Variants in MARK3 observed in about 807,000 individuals in gnomAD.
The protein encoded by MARK3 is MAP/microtubule affinity-regulating kinase 3.
MARK3 carries 46 observed loss-of-function variants against 90.1 expected under a neutral mutation model. The ratio of observed to expected loss-of-function variants is 0.51; its 90% CI spans 0.40 to 0.65. The LOEUF is 0.65. Among genes scored for constraint, MARK3 ranks in the 30% least tolerant of loss-of-function variants. The probability of loss-of-function intolerance (pLI) is 0.00; values close to 1 mark genes in which losing one functional copy is unlikely to be tolerated. For missense variants in MARK3, 818 were observed against 947.2 expected, an observed-to-expected ratio of 0.86 and a Z score of 1.79; for synonymous variants, 321 against 332.6, an observed-to-expected ratio of 0.97 and a Z score of 0.38.
chr14:103,493,747 C>T (rs757623920), intron 15 of MARK3, among the ~76,000 whole-genome samples: 8 of 151,242 alleles, frequency 5.3e-5, no homozygotes, highest in Non-Finnish European at 1.2e-4. Context: ...TGGTGGTGGG[C>T]GCCTGGAGTC....
At chr14:103,443,186 A>G (rs2092906495) in intron 3 of MARK3, among the ~76,000 whole-genome samples, 1 of 152,244 alleles carries the variant, frequency 6.6e-6, no homozygotes, top group Non-Finnish European at 1.5e-5. Context: ...AAAAGAATCG[A>G]TACACATCAG....
intron 4 of MARK3, among the ~76,000 whole-genome samples, chr14:103,450,346 G>GC (rs1025873013): frequency 1.3e-5 from 2 of 151,654 alleles, no homozygotes; most frequent in South Asian, 2.1e-4. Flanking sequence ...CCGTCCTCCC[G>GC]CCCCCCACAA....
At chr14:103,502,173 G>T (rs376994429) in intron 17 of MARK3, among the ~76,000 whole-genome samples, 17 of 152,352 alleles carry the variant, frequency 1.1e-4, no homozygotes, top group African/African-American at 4.1e-4. Flanking sequence ...TCAGACCAAG[G>T]CTTACATTCT....
intron 4 of MARK3, among the ~76,000 whole-genome samples, chr14:103,450,921 CTTTTTTT>C (rs869030067): frequency 1.9e-4 from 10 of 52,638 alleles, no homozygotes; most frequent in South Asian, 9.8e-4. Flanking sequence ...TGTGTGTATT[CTTTTTTT>C]TTTTTTTTTT....
At chr14:103,484,212 C>G (rs575105469) in intron 14 of MARK3, among the ~76,000 whole-genome samples, 3 of 147,672 alleles carry the variant, frequency 2.0e-5, no homozygotes, top group Non-Finnish European at 4.5e-5. Context: ...GAGTCTCGCT[C>G]TTTTACCCAG....
chr14:103,502,346 A>C (rs377443472), intron 17 of MARK3, among the ~76,000 whole-genome samples: 1 of 152,244 alleles, frequency 6.6e-6, no homozygotes, highest in Non-Finnish European at 1.5e-5. Context: ...AGGAAAAACA[A>C]TGAGGTGGGT....
chr14:103,454,801 A>G (rs1211516488), intron 5 of MARK3, among the ~76,000 whole-genome samples: 2 of 152,198 alleles, frequency 1.3e-5, no homozygotes, highest in East Asian at 1.9e-4. Context: ...AGTTTGTTCT[A>G]TGCCAAGGGG....
intron 3 of MARK3, among the ~76,000 whole-genome samples, chr14:103,445,285 A>T (rs1483098109): frequency 6.6e-6 from 1 of 152,192 alleles, no homozygotes; most frequent in African/African-American, 2.4e-5. Context: ...TTAAGCTTAG[A>T]TAAGACTGTG....
chr14:103,474,482 T>TCTACACCTTCCCCTGTCTACCCAA (rs1555397870), intron 12 of MARK3, among the ~76,000 whole-genome samples: 2 of 151,454 alleles, frequency 1.3e-5, no homozygotes, highest in Admixed American at 1.3e-4. Flanking sequence ...TTCCTCTGCT[T>TCTACACCTTCCCCTGTCTACCCAA]CTACACCTTC....
intron 14 of MARK3, among the ~76,000 whole-genome samples, chr14:103,482,599 G>A (rs2141889323): frequency 6.6e-6 from 1 of 152,086 alleles, no homozygotes. Flanking sequence ...TGAACTTTAG[G>A]ATATGTGACT....
At chr14:103,412,879 C>CT (rs1288874608) in intron 2 of MARK3, 13,938 of 265,610 alleles carry the variant, frequency 0.052, no homozygotes, top group South Asian at 0.097. Flanking sequence ...TTTTTTCTTT[C>CT]TTTTTTTTTT....
rs1010545161 is a variant in MARK3 at position 103,452,723 on chromosome 14, G to A, written c.412+740G>A. ...CCTGACCTCGTGATCCGCCCGCCTC[G>A]GCCTCCCAAAGTGCTGGGATTACAG... is the stretch of plus-strand genomic sequence containing the variant. On this transcript the variant is annotated intron_variant, in intron 5 of 17. Transcript: ENST00000429436. Among the ~76,000 whole-genome samples, 10 of 151,922 alleles carry A rather than the reference G, an allele frequency of 6.6e-5. No individual in the cohort carries two copies. In the East Asian group the frequency reaches 7.8e-4, roughly 12 times the overall value.
intron 2 of MARK3, among the ~76,000 whole-genome samples, chr14:103,405,972 C>T (rs1474527151): frequency 6.6e-6 from 1 of 151,942 alleles, no homozygotes; most frequent in Non-Finnish European, 1.5e-5. Flanking sequence ...CTCACTATAG[C>T]CTCAACCTCC....
chr14:103,451,992 AT>A lies in MARK3; in HGVS notation c.412+14del. 1 of 1,582,452 alleles carries A rather than the reference AT, an allele frequency of 6.3e-7. No individual in the cohort carries two copies. Among genetic ancestry groups the A allele is most frequent in the Non-Finnish European group, 8.7e-7 (1 of 1,154,266 alleles). ...GGAATATGCAAGTGGAGGTAAGAAC[AT>A]TTTTATATATATTGGGTTTTTTTTC... On this transcript the variant is annotated intron_variant, in intron 5 of 17. Coordinates refer to ENST00000429436, the MANE Select transcript of MARK3 (RefSeq NM_001128918.3).
chr14:103,385,506 G>A lies in MARK3; in HGVS notation c.-524G>A, dbSNP rs376794646. The A allele has an allele frequency of 2.6e-5, 4 of 154,620 alleles. No individual in the cohort carries two copies. Among genetic ancestry groups the A allele is most frequent in the African/African-American group, 4.8e-5 (2 of 41,466 alleles). 9.6% of individuals were successfully genotyped at this position (154,620 alleles called of 1,614,324 possible). On this transcript the variant is annotated 5_prime_UTR_variant, in exon 1 of 18. Coordinates refer to ENST00000429436, the MANE Select transcript of MARK3 (RefSeq NM_001128918.3). ...AGGCAGCAAGCTCGCTAGAGAGGGAGAAGCAGTCGGGCGCAGGCGCCTCCT... is the reference window on the plus strand; with the variant it reads ...AGGCAGCAAGCTCGCTAGAGAGGGAAAAGCAGTCGGGCGCAGGCGCCTCCT...
intron 1 of MARK3, among the ~76,000 whole-genome samples, chr14:103,402,002 A>G (rs2090991990): frequency 6.6e-6 from 1 of 152,184 alleles, no homozygotes; most frequent in Non-Finnish European, 1.5e-5. Flanking sequence ...GCTAGAGTCT[A>G]CTGGCTGATG....
chr14:103,414,388 A>G (rs1035906631), intron 2 of MARK3, among the ~76,000 whole-genome samples: 1 of 151,976 alleles, frequency 6.6e-6, no homozygotes, highest in African/African-American at 2.4e-5. Flanking sequence ...TATTTTTAGT[A>G]AAGACAGAGT....
intron 11 of MARK3, 27 bp downstream of exon 11, chr14:103,467,218 T>C: frequency 9.2e-7 from 1 of 1,092,810 alleles, no homozygotes; most frequent in Non-Finnish European, 1.4e-6. Context: ...AGAGCTGAAA[T>C]ACCCTGTATG....
intron 14 of MARK3, among the ~76,000 whole-genome samples, chr14:103,483,867 T>C (rs889157621): frequency 3.3e-5 from 5 of 152,248 alleles, no homozygotes; most frequent in Non-Finnish European, 7.3e-5. Context: ...GGTATAGGTT[T>C]GCAGTGAGTC....
Sources: gnomAD v4.1 joint callset for allele counts (sites outside exome capture counted in the v4.1 genomes callset) on GRCh38, gnomAD v4.1.1 for gene constraint, MANE v1.5 for transcripts, NCBI Gene and HGNC (gene_info 2026-07-23, HGNC 2026-07-21) for gene names.